Variants in PRDX5 observed in about 807,000 individuals in gnomAD.
PRDX5 encodes peroxiredoxin-5, mitochondrial.
Under a neutral mutation model 23.8 loss-of-function variants are expected in PRDX5, and 21 were observed. The observed-to-expected ratio is 0.88, with a 90% confidence interval of 0.63 to 1.27. PRDX5 has a LOEUF of 1.27. Ranked by LOEUF, PRDX5 falls within the 50% of genes most tolerant of loss-of-function variation. The pLI, the probability that PRDX5 is intolerant of heterozygous loss-of-function variation, is 0.00. For synonymous variants in PRDX5, 111 were observed against 113.3 expected (o/e 0.98, Z 0.13); for missense variants, 261 against 270.6 (o/e 0.96, Z 0.25).
intron 1 of PRDX5, among the ~76,000 whole-genome samples, chr11:64,319,354 C>T (rs1440599827): frequency 2.6e-5 from 4 of 152,170 alleles, no homozygotes; most frequent in Non-Finnish European, 4.4e-5. Context: ...CCAAGATCCT[C>T]TCCCTCCATG....
At chr11:64,318,602 G>GTTTT (rs970684493) in intron 1 of PRDX5, among the ~76,000 whole-genome samples, 4 of 151,968 alleles carry the variant, frequency 2.6e-5, no homozygotes, top group Non-Finnish European at 4.4e-5. Context: ...TGTGTTTTTT[G>GTTTT]TTTTTTGTTT....
At chr11:64,321,299 C>T (rs901569637) in intron 5 of PRDX5, among the ~76,000 whole-genome samples, 4 of 146,690 alleles carry the variant, frequency 2.7e-5, no homozygotes, top group Non-Finnish European at 4.5e-5. Flanking sequence ...GGGGAGAGTC[C>T]TCTGTGTGGA....
rs1455627450 is a variant in PRDX5 at position 64,320,894 on chromosome 11, C to G, written c.468C>G (p.Ala156=). The change falls in exon 4 of 6, where the codon GCC becomes GCG. Residue 156 remains alanine, a synonymous_variant. Coordinates refer to ENST00000265462, the MANE Select transcript of PRDX5 (RefSeq NM_012094.5). The part of the protein sequence containing the change: ...KVRLLADPTG[A]FGKETDLLLD... ...GGCTCCTGGCTGATCCCACTGGGGCCTTTGGGAAGGTGAGTGTTCCCCTGA... is the reference window on the plus strand; with the variant it reads ...GGCTCCTGGCTGATCCCACTGGGGCGTTTGGGAAGGTGAGTGTTCCCCTGA... The G allele has an allele frequency of 6.2e-7, 1 of 1,614,086 alleles. No homozygotes were observed. Among genetic ancestry groups the G allele is most frequent in the African/African-American group, 1.3e-5 (1 of 74,934 alleles).
In PRDX5 at chr11:64,321,615, T is replaced by A; in HGVS notation, c.569T>A (p.Val190Glu). The A allele has an allele frequency of 6.2e-7, 1 of 1,613,614 alleles. No individual in the cohort carries two copies. Among genetic ancestry groups the A allele is most frequent in the Non-Finnish European group, 8.5e-7 (1 of 1,179,830 alleles). ...RFSMVVQDGI[V>E]KALNVEPDGT... ...TCCATGGTGGTACAGGATGGCATAG[T>A]GAAGGCCCTGAATGTGGAACCAGAT... Residue 190 changes from valine to glutamate, a missense_variant, in exon 6 of 6, where the codon GTG (valine) becomes GAG (glutamate). Coordinates refer to ENST00000265462, the MANE Select transcript of PRDX5 (RefSeq NM_012094.5).
At chr11:64,318,542 C>T (rs890708652) in intron 1 of PRDX5, among the ~76,000 whole-genome samples, 156 bp downstream of exon 1, 2 of 152,198 alleles carry the variant, frequency 1.3e-5, no homozygotes, top group Admixed American at 6.5e-5. Flanking sequence ...GGCTGCCCAC[C>T]TTTCTCGCCA....
chr11:64,318,423 T>G, intron 1 of PRDX5, 37 bp downstream of exon 1: 1 of 1,572,746 alleles, frequency 6.4e-7, no homozygotes, highest in Non-Finnish European at 8.6e-7. Flanking sequence ...CATCCCCCAC[T>G]ACCCCCATGG....
Position 64,320,770 on chromosome 11 carries a change from G to C in PRDX5, c.416G>C (p.Arg139Pro). 6.2e-7 allele frequency: 1 copy of C among 1,614,136 alleles called. No homozygotes were observed. Among genetic ancestry groups the C allele is most frequent in the Non-Finnish European group, 8.5e-7 (1 of 1,179,984 alleles). The change falls in exon 3 of 6, where the codon CGA becomes CCA. Residue 139 changes from arginine to proline, a missense_variant. Coordinates refer to ENST00000265462, the MANE Select transcript of PRDX5 (RefSeq NM_012094.5). ...NDAFVTGEWG[R>P]AHKAEGKVRL... Reference sequence around the variant, plus strand: ...GCCTTTGTGACTGGCGAGTGGGGCCGAGCCCACAAGGCGGAAGGCAAGGTG... The same window carrying C: ...GCCTTTGTGACTGGCGAGTGGGGCCCAGCCCACAAGGCGGAAGGCAAGGTG...
intron 1 of PRDX5, among the ~76,000 whole-genome samples, chr11:64,319,377 C>A (rs1019524048): frequency 1.3e-5 from 2 of 152,166 alleles, no homozygotes; most frequent in African/African-American, 4.8e-5. Flanking sequence ...GTCAGGGACT[C>A]CTCCTCACCC....
At chr11:64,319,307 C>T (rs1317329591) in intron 1 of PRDX5, among the ~76,000 whole-genome samples, 2 of 152,120 alleles carry the variant, frequency 1.3e-5, no homozygotes, top group African/African-American at 4.8e-5. Flanking sequence ...GCTGCCCTTC[C>T]TCTTCCTCCT....
chr11:64,320,521 G>A, intron 2 of PRDX5, 140 bp from the exon 3 acceptor site: 2 of 1,295,762 alleles, frequency 1.5e-6, no homozygotes, highest in South Asian at 1.6e-5. Context: ...AAGGCAAAAA[G>A]GAAATAGAAT....
chr11:64,318,468 T>G, intron 1 of PRDX5, 82 bp downstream of exon 1: 1 of 1,488,988 alleles, frequency 6.7e-7, no homozygotes, highest in Non-Finnish European at 9.0e-7. Context: ...AGTATCGCTT[T>G]ATTTCCTGCC....
rs1022265075 is a variant in PRDX5, at chr11:64,318,354, A to C, written c.139A>C (p.Ser47Arg). ...EWASGGVRSF[S>R]RAAAAMAPIK... is the part of the protein sequence containing the mutation. ...GGCGTCTGGCGGGGTCCGCAGTTTC[A>C]GCAGAGCCGCTGCAGCCATGGCCCC... Residue 47 changes from serine to arginine, a missense_variant, in exon 1 of 6, where the codon AGC (serine) becomes CGC (arginine). Transcript: ENST00000265462. The C allele has an allele frequency of 6.2e-7, 1 of 1,611,128 alleles. No individual in the cohort carries two copies. Among genetic ancestry groups the C allele is most frequent in the African/African-American group, 1.3e-5 (1 of 74,874 alleles).
chr11:64,318,794 A>G (rs1347749506), intron 1 of PRDX5, among the ~76,000 whole-genome samples: 1 of 136,762 alleles, frequency 7.3e-6, no homozygotes, highest in African/African-American at 2.8e-5. Flanking sequence ...ACGGGATTTC[A>G]CCCCGTTGTT....
rs779282514 is a variant in PRDX5, at chr11:64,318,387, G to C, written c.171+1G>C. 99 of 1,603,956 alleles carry C rather than the reference G, an allele frequency of 6.2e-5. No homozygotes were observed. The highest frequency in any genetic ancestry group is 8.2e-5 in the Non-Finnish European group (97 of 1,176,342). ...CGCTGCAGCCATGGCCCCAATCAAG[G>C]TGACCGCTGGCCCGGCCGGGCCTGA... On this transcript the variant is annotated splice_donor_variant, in intron 1 of 5. Transcript: ENST00000265462. LOFTEE classifies it high-confidence loss of function.
In PRDX5 at chr11:64,321,703, A is replaced by G. The variant is rs745319155; in HGVS notation, c.*12A>G. 5.1e-6 allele frequency: 8 copies of G among 1,554,962 alleles called. No homozygotes were observed. Among genetic ancestry groups the G allele is most frequent in the South Asian group, 2.3e-5 (2 of 85,150 alleles). On this transcript the variant is annotated 3_prime_UTR_variant, in exon 6 of 6. Transcript: ENST00000265462. ...TCTCACAGCTCTGAGGCCCTGGGCC[A>G]GATTACTTCCTCCACCCCTCCCTAT...
intron 1 of PRDX5, among the ~76,000 whole-genome samples, chr11:64,319,309 C>T (rs978512708): frequency 6.6e-6 from 1 of 152,142 alleles, no homozygotes; most frequent in African/African-American, 2.4e-5. Context: ...TGCCCTTCCT[C>T]TTCCTCCTCC....
chr11:64,318,647 C>T (rs1047192634), intron 1 of PRDX5, among the ~76,000 whole-genome samples: 2 of 152,090 alleles, frequency 1.3e-5, no homozygotes, highest in Non-Finnish European at 2.9e-5. Flanking sequence ...GTCGCCCAGG[C>T]TGGAGTGCAG....
chr11:64,320,045 C>G (rs781500688), intron 2 of PRDX5, among the ~76,000 whole-genome samples, 177 bp downstream of exon 2: 10 of 152,102 alleles, frequency 6.6e-5, no homozygotes, highest in Non-Finnish European at 1.3e-4. Context: ...TTTGGGAGGC[C>G]AAGGCGGGTG....
At chr11:64,319,917 G>T in intron 2 of PRDX5, 49 bp downstream of exon 2, 1 of 1,602,594 alleles carries the variant, frequency 6.2e-7, no homozygotes, top group South Asian at 1.1e-5. Context: ...CTTTTGTGTT[G>T]CTCTTAAGTC....
Sources: gnomAD v4.1 joint callset for allele counts (sites outside exome capture counted in the v4.1 genomes callset) on GRCh38, gnomAD v4.1.1 for gene constraint, MANE v1.5 for transcripts, NCBI Gene and HGNC (gene_info 2026-07-23, HGNC 2026-07-21) for gene names.